PSCA: variants seen among roughly 807,000 people sequenced by gnomAD.
The protein encoded by PSCA is prostate stem cell antigen.
In PSCA, 7 loss-of-function variants were observed where a neutral mutation model predicts 7.9. The ratio of observed to expected loss-of-function variants is 0.89; its 90% CI spans 0.51 to 1.67. PSCA has a LOEUF of 1.67. PSCA is among the 40% of genes most tolerant of loss of function. The pLI, the probability that PSCA is intolerant of heterozygous loss-of-function variation, is 0.00. For synonymous variants in PSCA, 61 were observed against 68.3 expected, an observed-to-expected ratio of 0.89 and a Z score of 0.53; for missense variants, 151 against 147.9, an observed-to-expected ratio of 1.02 and a Z score of -0.11.
At chr8:142,680,594 G>T (rs2129871511) in intron 1 of PSCA, 31 bp downstream of exon 1, 1 of 1,553,278 alleles carries the variant, frequency 6.4e-7, no homozygotes, top group Non-Finnish European at 8.7e-7. Context: ...CAGCAGGGAA[G>T]GGAGCAGGGG....
chr8:142,677,777 G>A (rs1192648396), upstream of PSCA, among the ~76,000 whole-genome samples: 5 of 152,180 alleles, frequency 3.3e-5, no homozygotes. Context: ...TCTGGGGGAG[G>A]CTGCAGTCAC....
upstream of PSCA, among the ~76,000 whole-genome samples, chr8:142,677,713 G>A (rs914468845): frequency 1.3e-5 from 2 of 152,138 alleles, no homozygotes; most frequent in Admixed American, 1.3e-4. Flanking sequence ...GACATGGGCT[G>A]GAGGGCGTGT....
chr8:142,671,996 C>T (rs933220390), intron 1 of PSCA, among the ~76,000 whole-genome samples: 1 of 152,134 alleles, frequency 6.6e-6, no homozygotes, highest in Admixed American at 6.5e-5. Context: ...AGTGTCATGC[C>T]GTTAAATACC....
At chr8:142,681,220 G>A (rs1263177777) in intron 1 of PSCA, 107 bp from the exon 2 acceptor site, 5 of 756,040 alleles carry the variant, frequency 6.6e-6, no homozygotes, top group South Asian at 1.8e-5. Flanking sequence ...AGAGGGCGCC[G>A]AGGACTTCCT....
chr8:142,674,948 C>G (rs1847381733), intron 1 of PSCA, among the ~76,000 whole-genome samples: 1 of 152,270 alleles, frequency 6.6e-6, no homozygotes, highest in Non-Finnish European at 1.5e-5. Context: ...TAACCCCTCA[C>G]TGTCCTCTCC....
upstream of PSCA, among the ~76,000 whole-genome samples, chr8:142,679,623 G>T (rs1198561435): frequency 6.6e-6 from 1 of 152,210 alleles, no homozygotes; most frequent in Non-Finnish European, 1.5e-5. Flanking sequence ...AGAAAGGTGG[G>T]CAGCTGGAAC....
upstream of PSCA, among the ~76,000 whole-genome samples, chr8:142,678,524 G>A (rs948352607): frequency 3.9e-5 from 6 of 152,238 alleles, no homozygotes; most frequent in Admixed American, 1.3e-4. Context: ...CCAGCCCCTC[G>A]GGCTTGCAGG....
At chr8:142,675,653 CCTCT>C (rs1390226160), upstream of PSCA, among the ~76,000 whole-genome samples, 1 of 152,186 alleles carries the variant, frequency 6.6e-6, no homozygotes, top group Non-Finnish European at 1.5e-5. Flanking sequence ...AGACAAGCAT[CCTCT>C]CTCACACTCT....
chr8:142,671,155 C>T (rs1173373639), intron 1 of PSCA, among the ~76,000 whole-genome samples: 6 of 152,088 alleles, frequency 3.9e-5, no homozygotes, highest in Non-Finnish European at 5.9e-5. Context: ...GCAGAGCCCA[C>T]GGGTTCAGAT....
rs138919764 is a variant in PSCA, at chr8:142,673,513, T to A, written n.261+2945T>A. On this transcript the variant is annotated intron_variant and non_coding_transcript_variant, in intron 1 of 1. Transcript: ENST00000505305. This position sits in a 1 kb window ranked among gnomAD's most constrained non-coding sequence, Gnocchi z 4.6. Reference sequence around the variant, plus strand: ...GACCCCTGGCAAGATAGAGCTGATTTAGCAAGACAGGGGAATTGCCATAGA... The same window carrying A: ...GACCCCTGGCAAGATAGAGCTGATTAAGCAAGACAGGGGAATTGCCATAGA... Among the ~76,000 whole-genome samples the A allele has an allele frequency of 6.6e-6, 1 of 152,360 alleles. No homozygotes were observed. Among genetic ancestry groups the A allele is most frequent in the African/African-American group, 2.4e-5 (1 of 41,586 alleles).
upstream of PSCA, chr8:142,676,568 T>G (rs1403384927): frequency 6.6e-6 from 1 of 152,194 alleles, no homozygotes; most frequent in African/African-American, 2.4e-5. Flanking sequence ...CCAAGATGCA[T>G]GGGGCTCCCC....
At chr8:142,671,638 A>G (rs1016374568) in intron 1 of PSCA, among the ~76,000 whole-genome samples, 1 of 151,984 alleles carries the variant, frequency 6.6e-6, no homozygotes, top group Admixed American at 6.6e-5. Context: ...CGCAGCTTCA[A>G]CCTCCTGGGC....
intron 1 of PSCA, among the ~76,000 whole-genome samples, chr8:142,672,599 G>A (rs1441896821): frequency 2.6e-5 from 4 of 152,176 alleles, no homozygotes; most frequent in African/African-American, 9.7e-5. Flanking sequence ...TCCCTGGTGC[G>A]ACTCTGCTGC....
intron 1 of PSCA, among the ~76,000 whole-genome samples, chr8:142,672,502 C>T (rs1563802388): frequency 6.6e-6 from 1 of 152,212 alleles, no homozygotes; most frequent in South Asian, 2.1e-4. Context: ...CATGGCAGGA[C>T]TGGAACCCAA....
In PSCA at chr8:142,682,052, C is replaced by T. The variant is rs1554638443; in HGVS notation, c.265C>T (p.His89Tyr). The change falls in exon 3 of 3, where the codon CAT (histidine) becomes TAT (tyrosine). Residue 89 changes from histidine (H) to tyrosine (Y), a missense_variant. Coordinates refer to ENST00000301258, the MANE Select transcript of PSCA (RefSeq NM_005672.5). The part of the protein sequence containing the change: ...DTDLCNASGA[H>Y]ALQPAAAILA... ...CGACTTGTGCAACGCCAGCGGGGCC[C>T]ATGCCCTGCAGCCGGCTGCTGCCAT... 2.5e-6 allele frequency: 4 copies of T among 1,611,698 alleles called. No homozygotes were observed. Among genetic ancestry groups the T allele is most frequent in the Non-Finnish European group, 3.4e-6 (4 of 1,179,796 alleles).
At chr8:142,680,327 GA>G, upstream of PSCA, 1 of 607,606 alleles carries the variant, frequency 1.6e-6, no homozygotes, top group South Asian at 1.9e-5. Context: ...TCCAGAGGTG[GA>G]AAGAAGGACA....
At chr8:142,676,888 T>G (rs1563803773), upstream of PSCA, among the ~76,000 whole-genome samples, 1 of 152,238 alleles carries the variant, frequency 6.6e-6, no homozygotes, top group Non-Finnish European at 1.5e-5. Context: ...ATGCCCCTTG[T>G]GGCAGAACTT....
rs1240159934 is a variant in PSCA at position 142,673,936 on chromosome 8, TC to T, written n.261+3369del. On this transcript the variant is annotated intron_variant and non_coding_transcript_variant, in intron 1 of 1. Coordinates refer to the PSCA transcript ENST00000505305. The surrounding 1 kb of genome is among the most constrained non-coding windows in gnomAD (Gnocchi z 4.6). ...CGTTTCAGTCTAACCTCAGCAGAGC[TC>T]AGATCCCCTCATCTTCCTAATGAAT... Among the ~76,000 whole-genome samples the T allele has an allele frequency of 6.6e-6, 1 of 151,594 alleles. No individual in the cohort carries two copies. Among genetic ancestry groups the T allele is most frequent in the Non-Finnish European group, 1.5e-5 (1 of 67,924 alleles).
rs138293759 is a variant in PSCA at position 142,673,183 on chromosome 8, A to C, written n.261+2615A>C. ...TGCTTTTCATTAAAAGGAAAACCTT[A>C]CTGAGGACTTCCTTACCCTCACTAT... On this transcript the variant is annotated intron_variant and non_coding_transcript_variant, in intron 1 of 1. Coordinates refer to the PSCA transcript ENST00000505305. The surrounding 1 kb of genome is among the most constrained non-coding windows in gnomAD (Gnocchi z 4.6). Among the ~76,000 whole-genome samples the C allele has an allele frequency of 6.1e-3, 935 of 152,316 alleles. 7 individuals carry two copies. Among genetic ancestry groups the C allele is most frequent in the African/African-American group, 0.022 (901 of 41,568 alleles).
Sources: allele counts gnomAD v4.1 joint callset (sites outside exome capture counted in the v4.1 genomes callset), GRCh38; gene constraint gnomAD v4.1.1; non-coding constraint Gnocchi (gnomAD v3.1); transcripts MANE v1.5; gene names NCBI Gene and HGNC (gene_info 2026-07-23, HGNC 2026-07-21).